FREM2: variants seen among roughly 807,000 people sequenced by gnomAD.
FREM2 encodes the protein FRAS1 related extracellular matrix 2.
FREM2 carries 119 observed loss-of-function variants against 219.9 expected under a neutral mutation model. That is an observed-to-expected ratio of 0.54 (90% CI 0.47 to 0.63). The LOEUF (loss-of-function observed/expected upper bound fraction) is 0.63, where lower values mean the gene tolerates loss of function less well. Ranked by LOEUF, FREM2 falls within the 30% of genes least tolerant of loss-of-function variation. The probability of loss-of-function intolerance (pLI) is 0.00; values close to 1 mark genes in which losing one functional copy is unlikely to be tolerated. For synonymous variants in FREM2, 1,562 were observed against 1,522.8 expected (o/e 1.03, Z -0.60); for missense variants, 4,030 against 3,993.6 (o/e 1.01, Z -0.25).
intron 2 of FREM2, among the ~76,000 whole-genome samples, chr13:38,753,769 G>A (rs1172598065): frequency 6.6e-6 from 1 of 152,120 alleles, no homozygotes; most frequent in Non-Finnish European, 1.5e-5. Context: ...TCCTAGGCAT[G>A]CATACCAGCA....
chr13:38,862,657 GAGA>G (rs1877804595), intron 15 of FREM2, among the ~76,000 whole-genome samples: 1 of 152,176 alleles, frequency 6.6e-6, no homozygotes, highest in African/African-American at 2.4e-5. Context: ...AAGGCTCAAA[GAGA>G]AGAACTGGTT....
intron 4 of FREM2, among the ~76,000 whole-genome samples, chr13:38,778,165 G>A (rs891904203): frequency 6.6e-6 from 1 of 152,198 alleles, no homozygotes; most frequent in Admixed American, 6.5e-5. Context: ...TAGATTAGAA[G>A]TATAGAATGA....
intron 22 of FREM2, 138 bp downstream of exon 22, chr13:38,878,459 C>T: frequency 1.5e-5 from 7 of 471,218 alleles, no homozygotes; most frequent in Middle Eastern, 1.0e-3. Flanking sequence ...AGAAGGATCA[C>T]TTGAAGCCAG....
rs1296721987 is a variant in FREM2 at position 38,883,455 on chromosome 13, ACTCCAATCAAGGT to A, written c.*2671_*2683del. On this transcript the variant is annotated 3_prime_UTR_variant, in exon 24 of 24. Transcript: ENST00000280481. ...CTCCTTAGATACTCAGTGGCTTCTGACTCCAATCAAGGTCTTGTTGATATTATATAGTAAAAAT... is the reference window on the plus strand; with the variant it reads ...CTCCTTAGATACTCAGTGGCTTCTGACTTGTTGATATTATATAGTAAAAAT... The A allele has an allele frequency of 6.6e-6, 1 of 152,176 alleles. No individual in the cohort carries two copies. The highest frequency in any genetic ancestry group is 1.5e-5 in the Non-Finnish European group (1 of 68,020). The allele number at this position is 152,176 out of a possible 1,614,324, so 9.4% of individuals were successfully genotyped here. A position where few individuals can be genotyped will look rare whatever the true frequency, so the allele number is the denominator to read the frequency against.
Position 38,687,616 on chromosome 13 carries a change from C to A in FREM2, c.272C>A (p.Pro91His). 1.2e-6 allele frequency: 2 copies of A among 1,609,560 alleles called. No homozygotes were observed. Among genetic ancestry groups the A allele is most frequent in the Non-Finnish European group, 1.7e-6 (2 of 1,178,166 alleles). The change falls in exon 1 of 24, where the codon CCC (proline) becomes CAC (histidine). Residue 91 changes from proline to histidine, a missense_variant. Physicochemically the swap from Pro to His is moderately conservative, Grantham distance 77 (BLOSUM62 -2). This residue lies in a region of FREM2 where 3,102 missense variants were observed against 2,950.7 expected (regional missense o/e 1.05). Coordinates refer to ENST00000280481, the MANE Select transcript of FREM2 (RefSeq NM_207361.6). Reference sequence around the variant, plus strand: ...TTCGGCCGTGAAGTCTGGCTGGATCCCCTGCATGACCTGGTGTTGCAGGTG... The same window carrying A: ...TTCGGCCGTGAAGTCTGGCTGGATCACCTGCATGACCTGGTGTTGCAGGTG... ...VPFGREVWLD[P>H]LHDLVLQVQP...
At position 38,885,496 on chromosome 13, in the gene FREM2, T is replaced by C. The variant is rs1220624112; in HGVS notation, c.*4709T>C. 6.6e-6 allele frequency: 1 copy of C among 152,176 alleles called. No homozygotes were observed. The highest frequency in any genetic ancestry group is 2.4e-5 in the African/African-American group (1 of 41,452). 9.4% of individuals were successfully genotyped at this position (152,176 alleles called of 1,614,324 possible). ...CAGCCCTGACACCTACTTTTGCTTTTTTTCTTTCTTTCTTTTAATTTGTTG... is the reference window on the plus strand; with the variant it reads ...CAGCCCTGACACCTACTTTTGCTTTCTTTCTTTCTTTCTTTTAATTTGTTG... On this transcript the variant is annotated 3_prime_UTR_variant, in exon 24 of 24. Coordinates refer to ENST00000280481, the MANE Select transcript of FREM2 (RefSeq NM_207361.6).
intron 2 of FREM2, among the ~76,000 whole-genome samples, chr13:38,708,869 C>T (rs566231339): frequency 3.3e-5 from 5 of 152,212 alleles, no homozygotes; most frequent in Admixed American, 1.3e-4. Context: ...AAGCAATTCT[C>T]CTGCCTCAGC....
chr13:38,703,369 A>ATAGC (rs1303609000), intron 2 of FREM2, among the ~76,000 whole-genome samples: 1 of 152,206 alleles, frequency 6.6e-6, no homozygotes, highest in Non-Finnish European at 1.5e-5. Flanking sequence ...GAAAGATGCT[A>ATAGC]GTGCCTTAGG....
At chr13:38,749,688 C>G (rs1016838329) in intron 2 of FREM2, among the ~76,000 whole-genome samples, 2 of 152,012 alleles carry the variant, frequency 1.3e-5, no homozygotes, top group African/African-American at 4.8e-5. Context: ...CCCTTCACCC[C>G]CTCCCCAACT....
chr13:38,711,212 G>A (rs1026635747), intron 2 of FREM2, among the ~76,000 whole-genome samples: 1 of 152,096 alleles, frequency 6.6e-6, no homozygotes, highest in African/African-American at 2.4e-5. Context: ...ACAACCACCA[G>A]CTCCCTTTCC....
chr13:38,863,895 C>T (rs551186501), intron 15 of FREM2, among the ~76,000 whole-genome samples: 2 of 151,978 alleles, frequency 1.3e-5, no homozygotes, highest in East Asian at 3.9e-4. Context: ...TGCAGTGGTG[C>T]GATCTCAGCT....
intron 2 of FREM2, among the ~76,000 whole-genome samples, chr13:38,730,780 A>C (rs910455798): frequency 6.6e-6 from 1 of 152,216 alleles, no homozygotes; most frequent in Non-Finnish European, 1.5e-5. Context: ...ATAAGTGAAA[A>C]ATAAAATGAA....
intron 7 of FREM2, among the ~76,000 whole-genome samples, chr13:38,847,825 G>A (rs140782292): frequency 6.6e-6 from 1 of 152,238 alleles, no homozygotes; most frequent in African/African-American, 2.4e-5. Flanking sequence ...AGACAGTTTT[G>A]TTTTTAACTA....
chr13:38,799,219 T>G (rs1216301175), intron 6 of FREM2, among the ~76,000 whole-genome samples: 1 of 151,974 alleles, frequency 6.6e-6, no homozygotes, highest in African/African-American at 2.4e-5. Flanking sequence ...ATTTTTTCCT[T>G]GCAATAGTCA....
chr13:38,870,940 A>T (rs1333927641), intron 16 of FREM2, among the ~76,000 whole-genome samples: 2 of 152,228 alleles, frequency 1.3e-5, no homozygotes, highest in Non-Finnish European at 2.9e-5. Context: ...ATTATTTTTT[A>T]AAATCATGGT....
At chr13:38,878,357 T>C (rs759384190) in intron 22 of FREM2, 36 bp downstream of exon 22, 2 of 1,519,330 alleles carry the variant, frequency 1.3e-6, no homozygotes, top group Non-Finnish European at 1.8e-6. Flanking sequence ...GCTAGATAGA[T>C]TTTTCAAAGT....
Position 38,881,032 on chromosome 13 carries a change from C to T in FREM2, c.*245C>T. 1.8e-6 allele frequency: 1 copy of T among 566,140 alleles called. No homozygotes were observed. Among genetic ancestry groups the T allele is most frequent in the East Asian group, 3.1e-5 (1 of 32,220 alleles). The allele number at this position is 566,140 out of a possible 1,614,324, so 35.1% of individuals were successfully genotyped here. On this transcript the variant is annotated 3_prime_UTR_variant, in exon 24 of 24. Coordinates refer to ENST00000280481, the MANE Select transcript of FREM2 (RefSeq NM_207361.6). ...CAACGTACTCATATGTACACAGAGC[C>T]ATGATGTGAGGAATGTACTCCTCAT...
rs924413977 is a variant in FREM2, at chr13:38,688,817, C to T, written c.1473C>T (p.His491=). The T allele has an allele frequency of 1.2e-6, 2 of 1,613,916 alleles. No homozygotes were observed. The highest frequency in any genetic ancestry group is 1.3e-5 in the African/African-American group (1 of 74,930). ...LEVVAGLRHG[H]LVILGASSGS... ...TGGTGGCTGGGCTCCGGCATGGTCA[C>T]CTTGTCATTCTGGGTGCTTCCAGTG... The change falls in exon 1 of 24, where the codon CAC becomes CAT. Residue 491 remains histidine, a synonymous_variant. Transcript: ENST00000280481.
chr13:38,764,475 T>C lies in FREM2; in HGVS notation c.5410+25T>C, dbSNP rs2442370. Reference sequence around the variant, plus strand: ...AGTAAGTTTAATTTTTTATTTCTGTTTTAAAATTTTATTTTTCTAGCAAAG... The same window carrying C: ...AGTAAGTTTAATTTTTTATTTCTGTCTTAAAATTTTATTTTTCTAGCAAAG... On this transcript the variant is annotated intron_variant, in intron 3 of 23. Coordinates refer to ENST00000280481, the MANE Select transcript of FREM2 (RefSeq NM_207361.6). 1,304,794 of 1,317,818 alleles carry C rather than the reference T, an allele frequency of 0.99. 646,737 individuals carry two copies. Among genetic ancestry groups the C allele is most frequent in the East Asian group, 1 (41,933 of 41,934 alleles). 81.6% of individuals were successfully genotyped at this position (1,317,818 alleles called of 1,614,324 possible). A position where few individuals can be genotyped will look rare whatever the true frequency, so the allele number is the denominator to read the frequency against.
Sources: gnomAD v4.1 joint callset for allele counts (sites outside exome capture counted in the v4.1 genomes callset) on GRCh38, gnomAD v4.1.1 for gene constraint, gnomAD v4.1.1 regional missense constraint, MANE v1.5 for transcripts, NCBI Gene and HGNC (gene_info 2026-07-23, HGNC 2026-07-21) for gene names.